Variants in CNOT2 observed in about 807,000 individuals in gnomAD.
CNOT2 encodes CCR4-NOT transcription complex subunit 2, also known as CC chemokine receptor 4-negative regulator of transcription 2.
Under a neutral mutation model 72.1 loss-of-function variants are expected in CNOT2, and 7 were observed. That is an observed-to-expected ratio of 0.10 (90% CI 0.06 to 0.18). CNOT2 has a LOEUF of 0.18. Among genes scored for constraint, CNOT2 ranks in the 10% least tolerant of loss-of-function variants. CNOT2 has a pLI of 1.00. For missense variants in CNOT2, 345 were observed against 660.3 expected (o/e 0.52, Z 5.23); for synonymous variants, 196 against 225.6 (o/e 0.87, Z 1.17).
intron 4 of CNOT2, among the ~76,000 whole-genome samples, chr12:70,324,433 G>T (rs1878761488): frequency 6.6e-6 from 1 of 151,744 alleles, no homozygotes; most frequent in South Asian, 2.1e-4. Context: ...GTTGAGAAGT[G>T]ATCAGATTTG....
chr12:70,333,261 G>A (rs1321945573), intron 7 of CNOT2, among the ~76,000 whole-genome samples: 1 of 151,862 alleles, frequency 6.6e-6, no homozygotes, highest in Non-Finnish European at 1.5e-5. Context: ...CTTTAAAATT[G>A]TATGGAACAC....
Position 70,314,837 on chromosome 12 carries a change from CTTGTTTGT to C in CNOT2, c.171+3843_171+3850del, listed in dbSNP as rs112288569. 3.8e-3 allele frequency among the ~76,000 whole-genome samples: 575 copies of C among 151,036 alleles called. 5 individuals carry two copies. Among genetic ancestry groups the C allele is most frequent in the African/African-American group, 0.012 (489 of 41,054 alleles). ...TCCCTTGCCCCTTTTCTCTTTTGTT[CTTGTTTGT>C]TTGTTTGTTTGTTTGTTTGTTTTGG... On this transcript the variant is annotated intron_variant, in intron 3 of 15. Transcript: ENST00000229195.
At chr12:70,313,550 CT>C (rs1037479909) in intron 3 of CNOT2, among the ~76,000 whole-genome samples, 2 of 151,364 alleles carry the variant, frequency 1.3e-5, no homozygotes, top group Non-Finnish European at 3.0e-5. Flanking sequence ...GTTCCAAATA[CT>C]TTTTTTTTCT....
chr12:70,294,355 G>A (rs1345175172), intron 2 of CNOT2: 4 of 1,176,078 alleles, frequency 3.4e-6, no homozygotes, highest in Admixed American at 2.3e-5. Context: ...TTTTGAGGGT[G>A]GATGTTGGGC....
intron 13 of CNOT2, chr12:70,343,882 T>C: frequency 2.9e-6 from 1 of 350,144 alleles, no homozygotes; most frequent in Non-Finnish European, 5.1e-6. Flanking sequence ...TATTGAGCTT[T>C]TCTTCCAGTC....
chr12:70,300,857 G>T (rs1873815429), intron 2 of CNOT2, among the ~76,000 whole-genome samples: 1 of 152,182 alleles, frequency 6.6e-6, no homozygotes, highest in African/African-American at 2.4e-5. Context: ...TATGAGCATG[G>T]AATGTTCTTC....
chr12:70,245,477 C>T (rs1288568645), intron 1 of CNOT2, among the ~76,000 whole-genome samples: 2 of 152,102 alleles, frequency 1.3e-5, no homozygotes, highest in Non-Finnish European at 2.9e-5. Flanking sequence ...TTAATGTAAA[C>T]ATTTGTTGGC....
chr12:70,318,555 A>G (rs1384926617), intron 3 of CNOT2, among the ~76,000 whole-genome samples: 1 of 151,836 alleles, frequency 6.6e-6, no homozygotes, highest in Non-Finnish European at 1.5e-5. Flanking sequence ...CCTAAATGTT[A>G]CCACTCTATA....
In CNOT2 at chr12:70,342,104, C is replaced by T. The variant is rs566631770; in HGVS notation, c.1179-3C>T. 70 of 1,562,484 alleles carry T rather than the reference C, an allele frequency of 4.5e-5. No individual in the cohort carries two copies. The East Asian group carries it at 1.2e-3, about 28-fold the overall frequency. On this transcript the variant is annotated splice_region_variant and splice_polypyrimidine_tract_variant and intron_variant, in intron 11 of 15. Coordinates refer to ENST00000229195, the MANE Select transcript of CNOT2 (RefSeq NM_014515.7). ...AAAATGTTTTCTTTTCCTCCTTATTCAGAAATCTCTACCCCAAATTTGCGT... is the reference window on the plus strand; with the variant it reads ...AAAATGTTTTCTTTTCCTCCTTATTTAGAAATCTCTACCCCAAATTTGCGT...
chr12:70,257,451 T>C (rs1242842820), intron 1 of CNOT2, among the ~76,000 whole-genome samples: 3 of 148,958 alleles, frequency 2.0e-5, no homozygotes, highest in African/African-American at 2.5e-5. Flanking sequence ...AGCTCCGCCT[T>C]CCGGGTTCAC....
intron 3 of CNOT2, among the ~76,000 whole-genome samples, chr12:70,318,418 A>AT (rs1293360027): frequency 6.6e-6 from 1 of 151,598 alleles, no homozygotes; most frequent in Non-Finnish European, 1.5e-5. Flanking sequence ...CAATTTTTAA[A>AT]TTTTTGTTCA....
At chr12:70,273,889 A>G (rs1320918548) in intron 1 of CNOT2, among the ~76,000 whole-genome samples, 2 of 152,144 alleles carry the variant, frequency 1.3e-5, no homozygotes, top group African/African-American at 4.8e-5. Flanking sequence ...ACTGTGGAAA[A>G]TGGAAGACAC....
At chr12:70,256,888 G>T (rs1958478905) in intron 1 of CNOT2, among the ~76,000 whole-genome samples, 1 of 152,076 alleles carries the variant, frequency 6.6e-6, no homozygotes, top group Non-Finnish European at 1.5e-5. Context: ...TGAAGAAATT[G>T]GAGTAGACAT....
intron 1 of CNOT2, among the ~76,000 whole-genome samples, chr12:70,265,074 T>C (rs1958956594): frequency 6.6e-6 from 1 of 152,164 alleles, no homozygotes; most frequent in Admixed American, 6.5e-5. Context: ...TTTATATTTA[T>C]GAGGAATATT....
At chr12:70,260,409 T>C (rs78826470) in intron 1 of CNOT2, among the ~76,000 whole-genome samples, 4,469 of 152,242 alleles carry the variant, frequency 0.029, 140 homozygotes, top group African/African-American at 0.067. Flanking sequence ...AATGGAGTTA[T>C]TTTCTTAATT....
intron 1 of CNOT2, among the ~76,000 whole-genome samples, chr12:70,272,564 T>C (rs1868267642): frequency 6.6e-6 from 1 of 152,222 alleles, no homozygotes; most frequent in Admixed American, 6.5e-5. Context: ...TAGTAATCAC[T>C]ATATTGCTTA....
intron 2 of CNOT2, among the ~76,000 whole-genome samples, chr12:70,299,251 T>C (rs1282692161): frequency 4.2e-4 from 64 of 152,146 alleles, no homozygotes; most frequent in African/African-American, 1.4e-3. Flanking sequence ...ACTTTAAGTT[T>C]TAAGGTACAT....
intron 15 of CNOT2, among the ~76,000 whole-genome samples, chr12:70,349,555 T>C (rs1882615970): frequency 6.6e-6 from 1 of 152,182 alleles, no homozygotes; most frequent in Non-Finnish European, 1.5e-5. Flanking sequence ...CCAAATCACT[T>C]ACTATTTTCA....
At chr12:70,346,158 T>C (rs1265443240) in intron 14 of CNOT2, 22 bp from the exon 15 acceptor site, 2 of 1,547,220 alleles carry the variant, frequency 1.3e-6, no homozygotes, top group South Asian at 1.1e-5. Flanking sequence ...AAGTTAATTA[T>C]CTTTTCTTTT....
Sources: gnomAD v4.1 joint callset for allele counts (sites outside exome capture counted in the v4.1 genomes callset) on GRCh38, gnomAD v4.1.1 for gene constraint, MANE v1.5 for transcripts, NCBI Gene and HGNC (gene_info 2026-07-23, HGNC 2026-07-21) for gene names.